The following LAMC2 variants were observed in gnomAD, a reference collection of about 807,000 sequenced individuals.
LAMC2 encodes the protein laminin subunit gamma 2, also known as laminin subunit gamma-2.
Under a neutral mutation model 140.2 loss-of-function variants are expected in LAMC2, and 97 were observed. The observed-to-expected ratio is 0.69, with a 90% CI of 0.59 to 0.82. LAMC2 has a LOEUF of 0.82. LAMC2 is among the 40% of genes least tolerant of loss of function. The pLI is 0.00. For missense variants in LAMC2, 1,402 were observed against 1,476.1 expected, an observed-to-expected ratio of 0.95 and a Z score of 0.82; for synonymous variants, 513 against 540.2, an observed-to-expected ratio of 0.95 and a Z score of 0.70.
the LAMC2 span, chr1:183,252,506 C>T: frequency 1.4e-6 from 1 of 738,864 alleles, no homozygotes; most frequent in Non-Finnish European, 2.5e-6. Context: ...TGCAGGTCCC[C>T]CACACTATGG....
At chr1:183,194,921 G>A (rs577839842) in intron 1 of LAMC2, among the ~76,000 whole-genome samples, 10 of 152,230 alleles carry the variant, frequency 6.6e-5, no homozygotes, top group African/African-American at 2.4e-4. Flanking sequence ...CATGGAGGTG[G>A]TTGCTGTCAT....
chr1:183,203,747 T>C (rs538881108), intron 1 of LAMC2, among the ~76,000 whole-genome samples: 38 of 152,220 alleles, frequency 2.5e-4, no homozygotes, highest in South Asian at 8.3e-4. Context: ...GGCAAGGCTG[T>C]AGAGAGTGTC....
At chr1:183,249,056 CTT>C (rs1464587705), downstream of LAMC2, 2 of 152,100 alleles carry the variant, frequency 1.3e-5, no homozygotes, top group African/African-American at 4.8e-5. Context: ...ACAGCAAGTT[CTT>C]TAATTCTTTC....
intron 5 of LAMC2, 102 bp from the exon 6 acceptor site, chr1:183,221,987 T>C: frequency 1.4e-5 from 20 of 1,422,726 alleles, no homozygotes; most frequent in Non-Finnish European, 1.8e-5. Context: ...AACCCCACTT[T>C]CTACTCACCA....
intron 2 of LAMC2, among the ~76,000 whole-genome samples, chr1:183,208,324 A>G (rs1658964510): frequency 6.6e-6 from 1 of 152,148 alleles, no homozygotes; most frequent in Non-Finnish European, 1.5e-5. Context: ...ACCAGTTGGG[A>G]CCTTGAGGGC....
chr1:183,242,084 A>G (rs497267), intron 22 of LAMC2, among the ~76,000 whole-genome samples: 5,570 of 152,286 alleles, frequency 0.037, 353 homozygotes, highest in African/African-American at 0.13. Context: ...CCCACAGGTC[A>G]TGTAGTAAAT....
chr1:183,245,434 T>G (rs2102260769), downstream of LAMC2, among the ~76,000 whole-genome samples: 2 of 152,294 alleles, frequency 1.3e-5, no homozygotes, highest in Admixed American at 1.3e-4. Context: ...TTGCTATAAT[T>G]AACGACCAGT....
chr1:183,189,490 C>T (rs540027330), intron 1 of LAMC2, among the ~76,000 whole-genome samples: 1 of 152,254 alleles, frequency 6.6e-6, no homozygotes, highest in East Asian at 1.9e-4. Context: ...TGAGATTGCA[C>T]CACTGCACTC....
Position 183,186,342 on chromosome 1 carries a change from C to G in LAMC2, c.-11C>G. ...GCAGCGGAGACAGAGACTGAGCGGCCCGGCCCCGCCATGCCTGCGCTCTGG... is the reference window on the plus strand; with the variant it reads ...GCAGCGGAGACAGAGACTGAGCGGCGCGGCCCCGCCATGCCTGCGCTCTGG... On this transcript the variant is annotated 5_prime_UTR_variant, in exon 1 of 23. Transcript: ENST00000264144. 1 of 1,590,264 alleles carries G rather than the reference C, an allele frequency of 6.3e-7. No individual in the cohort carries two copies. Among genetic ancestry groups the G allele is most frequent in the Non-Finnish European group, 8.5e-7 (1 of 1,174,810 alleles).
chr1:183,234,322 A>C, intron 14 of LAMC2, 45 bp from the exon 15 acceptor site: 2 of 1,502,312 alleles, frequency 1.3e-6, no homozygotes, highest in Non-Finnish European at 1.9e-6. Context: ...GGCCAAGTGC[A>C]AAGCCTTAAC....
At chr1:183,230,845 G>A in intron 11 of LAMC2, 116 bp from the exon 12 acceptor site, 1 of 1,168,430 alleles carries the variant, frequency 8.6e-7, no homozygotes, top group South Asian at 1.3e-5. Flanking sequence ...AAGGTGCATG[G>A]AGGTATAAAA....
chr1:183,249,352 G>A (rs1258622918), downstream of LAMC2: 1 of 152,160 alleles, frequency 6.6e-6, no homozygotes, highest in Non-Finnish European at 1.5e-5. Flanking sequence ...CCTTCTGCCT[G>A]TTCTTACATC....
chr1:183,255,128 G>A, the LAMC2 span, among the ~76,000 whole-genome samples: 2 of 152,114 alleles, frequency 1.3e-5, no homozygotes, highest in African/African-American at 4.8e-5. Context: ...TCATTCTTTT[G>A]CCTGTAGAAA....
intron 6 of LAMC2, among the ~76,000 whole-genome samples, chr1:183,222,739 G>A (rs914126823): frequency 6.6e-6 from 1 of 152,136 alleles, no homozygotes; most frequent in Non-Finnish European, 1.5e-5. Flanking sequence ...TGTTAAATGG[G>A]AATACTAATG....
Position 183,239,531 on chromosome 1 carries a change from G to A in LAMC2, c.3037G>A (p.Glu1013Lys). ...ACAGAGGGCAAAGAATGGGGCCGGG[G>A]AGGCCCTGGAAATCTCCAGTGAGAT... is the stretch of plus-strand genomic sequence containing the variant. ...DAQRAKNGAG[E>K]ALEISSEIEQ... The change falls in exon 20 of 23, where the codon GAG (glutamate) becomes AAG (lysine). Residue 1013 changes from glutamate (E) to lysine (K), a missense_variant. Glu to Lys is a moderately conservative substitution (Grantham distance 56). This residue lies in a region of LAMC2 where 670 missense variants were observed against 667.2 expected (regional missense o/e 1.00). Transcript: ENST00000264144. 1 of 1,613,800 alleles carries A rather than the reference G, an allele frequency of 6.2e-7. No individual in the cohort carries two copies. Among genetic ancestry groups the A allele is most frequent in the African/African-American group, 1.3e-5 (1 of 75,022 alleles).
At chr1:183,220,798 AT>A (rs778159023) in intron 4 of LAMC2, 26 bp from the exon 5 acceptor site, 1 of 1,609,924 alleles carries the variant, frequency 6.2e-7, no homozygotes, top group East Asian at 2.2e-5. Flanking sequence ...AACCTATAAT[AT>A]CCTGATTTCT....
intron 18 of LAMC2, among the ~76,000 whole-genome samples, chr1:183,238,089 C>G (rs984009391): frequency 1.2e-4 from 18 of 152,064 alleles, no homozygotes; most frequent in African/African-American, 4.3e-4. Flanking sequence ...TTTATAAAAC[C>G]GTTCCTGTCC....
At chr1:183,207,342 C>T (rs74129649) in intron 1 of LAMC2, among the ~76,000 whole-genome samples, 1,732 of 152,050 alleles carry the variant, frequency 0.011, 44 homozygotes, top group African/African-American at 0.039. Flanking sequence ...TCATGGGACA[C>T]TTGGCTTTGG....
intron 8 of LAMC2, 109 bp from the exon 9 acceptor site, chr1:183,226,589 C>A: frequency 1.1e-6 from 1 of 937,228 alleles, no homozygotes; most frequent in Non-Finnish European, 1.7e-6. Flanking sequence ...TATATGAACA[C>A]CACCTGTCTT....
Sources: allele counts gnomAD v4.1 joint callset (sites outside exome capture counted in the v4.1 genomes callset), GRCh38; gene constraint gnomAD v4.1.1; regional missense constraint gnomAD v4.1.1; transcripts MANE v1.5; gene names NCBI Gene and HGNC (gene_info 2026-07-23, HGNC 2026-07-21).